The following SND1 variants were observed in gnomAD, a reference collection of about 807,000 sequenced individuals.
The protein encoded by SND1 is staphylococcal nuclease domain-containing protein 1.
A neutral mutation model predicts 121.7 loss-of-function variants in SND1; 38 were observed. That is an observed-to-expected ratio of 0.31 (90% confidence interval 0.24 to 0.41). SND1 has a LOEUF of 0.41. Ranked by LOEUF, SND1 falls within the 10% of genes least tolerant of loss-of-function variation. SND1 has a pLI of 1.00. For synonymous variants in SND1, 401 were observed against 447.4 expected (o/e 0.90, Z 1.31); for missense variants, 868 against 1,184.6 (o/e 0.73, Z 3.92).
rs532846453 is a variant in SND1, at chr7:127,703,670, C to T, written c.840+347C>T. Among the ~76,000 whole-genome samples, 537 of 152,246 alleles carry T rather than the reference C, an allele frequency of 3.5e-3. 3 individuals carry two copies. The highest frequency in any genetic ancestry group is 8.7e-3 in the Admixed American group (133 of 15,306). Reference sequence around the variant, plus strand: ...GAGGTTGCAGTGAGCCGAGATTGCACCACTGCACTCCAGTCTGGGCAACAG... The same window carrying T: ...GAGGTTGCAGTGAGCCGAGATTGCATCACTGCACTCCAGTCTGGGCAACAG... On this transcript the variant is annotated intron_variant, in intron 7 of 23. Transcript: ENST00000354725.
chr7:128,053,040 G>A (rs1425929103), intron 16 of SND1, among the ~76,000 whole-genome samples: 1 of 152,214 alleles, frequency 6.6e-6, no homozygotes, highest in Admixed American at 6.5e-5. Context: ...ATATTGAATA[G>A]GCATTAGCCA....
chr7:127,779,816 G>A (rs1301287574), intron 10 of SND1, among the ~76,000 whole-genome samples: 1 of 152,162 alleles, frequency 6.6e-6, no homozygotes, highest in Non-Finnish European at 1.5e-5. Flanking sequence ...TGCCTGGATT[G>A]CTCTTTCTTA....
intron 16 of SND1, among the ~76,000 whole-genome samples, chr7:128,036,412 C>T (rs766874457): frequency 9.9e-5 from 15 of 152,232 alleles, no homozygotes; most frequent in Non-Finnish European, 1.8e-4. Context: ...CCTGATGATT[C>T]AAGGCAAGAC....
intron 15 of SND1, among the ~76,000 whole-genome samples, chr7:127,948,153 C>T (rs1461351987): frequency 2.0e-5 from 3 of 152,192 alleles, no homozygotes; most frequent in Non-Finnish European, 4.4e-5. Context: ...GACCTTATTT[C>T]TCACCCAGAC....
At chr7:127,827,504 ACT>A (rs1224952482) in intron 11 of SND1, among the ~76,000 whole-genome samples, 1 of 152,138 alleles carries the variant, frequency 6.6e-6, no homozygotes, top group Admixed American at 6.5e-5. Context: ...ATGATTAATA[ACT>A]CTTGTATTGT....
At chr7:127,925,491 G>A (rs951445128) in intron 14 of SND1, among the ~76,000 whole-genome samples, 30 of 152,110 alleles carry the variant, frequency 2.0e-4, no homozygotes, top group African/African-American at 7.0e-4. Flanking sequence ...AGATACATAA[G>A]CAGAAATATT....
At chr7:128,030,295 C>G (rs769187264) in intron 16 of SND1, 1 of 1,614,060 alleles carries the variant, frequency 6.2e-7, no homozygotes, top group Non-Finnish European at 8.5e-7. Context: ...AAGGCCCCCA[C>G]CTCAATCTGC....
chr7:127,998,063 C>A (rs1030634817), intron 16 of SND1: 1 of 499,922 alleles, frequency 2.0e-6, no homozygotes, highest in Non-Finnish European at 4.2e-6. Flanking sequence ...CATGTTTTGT[C>A]TTTGTACTCC....
At chr7:127,866,036 G>A (rs1218341723) in intron 12 of SND1, among the ~76,000 whole-genome samples, 2 of 151,782 alleles carry the variant, frequency 1.3e-5, no homozygotes, top group East Asian at 3.9e-4. Flanking sequence ...ACTCCAGTGT[G>A]CCCAAGAATC....
chr7:127,963,486 G>C (rs1399664180), intron 15 of SND1, among the ~76,000 whole-genome samples: 2 of 126,680 alleles, frequency 1.6e-5, no homozygotes, highest in Admixed American at 1.7e-4. Flanking sequence ...TCCCACCTAT[G>C]AGTGAGAATA....
chr7:127,982,763 A>T (rs1019106451), intron 15 of SND1, among the ~76,000 whole-genome samples: 2 of 152,182 alleles, frequency 1.3e-5, no homozygotes, highest in Non-Finnish European at 2.9e-5. Flanking sequence ...TTCAATAGTG[A>T]ACTGATTCAT....
intron 10 of SND1, among the ~76,000 whole-genome samples, chr7:127,734,889 T>C (rs1796746539): frequency 6.6e-6 from 1 of 152,144 alleles, no homozygotes; most frequent in Non-Finnish European, 1.5e-5. Context: ...AAAAGTCAGT[T>C]TTGGGTTTAT....
chr7:127,849,202 C>T (rs1003852955), intron 12 of SND1, among the ~76,000 whole-genome samples: 10 of 152,124 alleles, frequency 6.6e-5, no homozygotes, highest in South Asian at 2.1e-4. Flanking sequence ...ATTTAAGACA[C>T]TTAAATAACT....
At chr7:128,013,140 C>T (rs935104494) in intron 16 of SND1, among the ~76,000 whole-genome samples, 3 of 152,200 alleles carry the variant, frequency 2.0e-5, no homozygotes, top group African/African-American at 4.8e-5. Context: ...CAGCCCAGTC[C>T]TAAGAACAAG....
intron 15 of SND1, among the ~76,000 whole-genome samples, chr7:127,979,762 T>C (rs1255100827): frequency 6.6e-6 from 1 of 152,230 alleles, no homozygotes; most frequent in African/African-American, 2.4e-5. Flanking sequence ...CTAAAACCTT[T>C]GAAGAGGAAT....
intron 12 of SND1, among the ~76,000 whole-genome samples, chr7:127,871,072 G>A (rs952525412): frequency 6.6e-5 from 10 of 152,100 alleles, no homozygotes; most frequent in Admixed American, 5.2e-4. Flanking sequence ...TACACAGTCA[G>A]GATAATCCTT....
intron 16 of SND1, among the ~76,000 whole-genome samples, chr7:128,020,648 C>T (rs556603730): frequency 7.2e-5 from 11 of 152,268 alleles, no homozygotes; most frequent in Admixed American, 4.6e-4. Context: ...CGGCCAGCCT[C>T]GATAACATAC....
intron 11 of SND1, among the ~76,000 whole-genome samples, chr7:127,835,142 T>G (rs1798842097): frequency 6.6e-6 from 1 of 152,198 alleles, no homozygotes; most frequent in Admixed American, 6.5e-5. Context: ...TTTCATCCAT[T>G]TCTTAATAAT....
intron 1 of SND1, among the ~76,000 whole-genome samples, chr7:127,657,736 G>A (rs1207984003): frequency 3.3e-5 from 5 of 152,054 alleles, no homozygotes; most frequent in African/African-American, 1.2e-4. Flanking sequence ...GGACTCAAGT[G>A]ACCTTCTCCA....
Sources: allele counts gnomAD v4.1 joint callset (sites outside exome capture counted in the v4.1 genomes callset), GRCh38; gene constraint gnomAD v4.1.1; transcripts MANE v1.5; gene names NCBI Gene and HGNC (gene_info 2026-07-23, HGNC 2026-07-21).